The following RIMS2 variants were observed in gnomAD, a reference collection of about 807,000 sequenced individuals.
RIMS2 encodes the protein regulating synaptic membrane exocytosis 2.
In RIMS2, 59 loss-of-function variants were observed where a neutral mutation model predicts 174.4. The ratio of observed to expected loss-of-function variants is 0.34; its 90% CI spans 0.27 to 0.42. The LOEUF is 0.42. Ranked by LOEUF, RIMS2 falls within the 10% of genes least tolerant of loss-of-function variation. RIMS2 has a pLI of 1.00. For missense variants in RIMS2, 1,620 were observed against 1,666.3 expected (o/e 0.97, Z 0.48); for synonymous variants, 606 against 572.5 (o/e 1.06, Z -0.84).
At chr8:103,773,332 G>A (rs1592075302) in intron 3 of RIMS2, among the ~76,000 whole-genome samples, 2 of 152,126 alleles carry the variant, frequency 1.3e-5, no homozygotes, top group Admixed American at 1.3e-4. Context: ...CTTAAAATAA[G>A]CCTAAAGTAT....
intron 19 of RIMS2, among the ~76,000 whole-genome samples, chr8:104,079,733 CTGTTTTA>C (rs2097375040): frequency 6.7e-6 from 1 of 148,606 alleles, no homozygotes; most frequent in Admixed American, 6.8e-5. Flanking sequence ...TACATATATT[CTGTTTTA>C]TATGTGGAAT....
chr8:103,685,490 T>C (rs1361548785), intron 1 of RIMS2, among the ~76,000 whole-genome samples: 1 of 152,136 alleles, frequency 6.6e-6, no homozygotes, highest in Non-Finnish European at 1.5e-5. Flanking sequence ...ACCTCCAACA[T>C]TGGAGATCAC....
chr8:104,185,118 G>T (rs895601185), intron 19 of RIMS2, among the ~76,000 whole-genome samples: 3 of 151,344 alleles, frequency 2.0e-5, no homozygotes, highest in East Asian at 3.9e-4. Context: ...AAATGAAACT[G>T]TTTAAATTTA....
Position 103,549,078 on chromosome 8 carries a change from A to AAAT in RIMS2, c.176+48017_176+48019dup, listed in dbSNP as rs531587273. On this transcript the variant is annotated intron_variant, in intron 1 of 23. Transcript: ENST00000504942. ...ATGGATAGGAGAATCAATATCATTAAAATGGCCATACTCAACATTCGAATT... is the reference window on the plus strand; with the variant it reads ...ATGGATAGGAGAATCAATATCATTAAAATAATGGCCATACTCAACATTCGAATT... Among the ~76,000 whole-genome samples the AAAT allele has an allele frequency of 5.7e-4, 86 of 152,170 alleles. 2 individuals are homozygous for AAAT. The South Asian group carries it at 0.016, about 29-fold the overall frequency.
rs2075771418 is a variant in RIMS2, at chr8:103,912,026, ATTTT to A, written c.1693-26_1693-23del. 5 of 1,508,478 alleles carry A rather than the reference ATTTT, an allele frequency of 3.3e-6. No homozygotes were observed. In the South Asian group the frequency reaches 6.4e-5, roughly 19 times the overall value. The allele number at this position is 1,508,478 out of a possible 1,614,324, so 93.4% of individuals were successfully genotyped here. A position where few individuals can be genotyped will look rare whatever the true frequency, so the allele number is the denominator to read the frequency against. ...TCATTTATTTATTTTGTATTTATTT[ATTTT>A]GTTTGTTGATGCAAAATGTCAGCAC... On this transcript the variant is annotated intron_variant, in intron 5 of 23. Coordinates refer to ENST00000504942, the Ensembl canonical transcript of RIMS2.
At chr8:103,836,093 A>G (rs1564837737) in intron 3 of RIMS2, among the ~76,000 whole-genome samples, 1 of 152,190 alleles carries the variant, frequency 6.6e-6, no homozygotes, top group Non-Finnish European at 1.5e-5. Flanking sequence ...TTACAGAGGG[A>G]ATTTTTAAAG....
chr8:103,542,795 G>C (rs1413015530), intron 1 of RIMS2, among the ~76,000 whole-genome samples: 1 of 152,120 alleles, frequency 6.6e-6, no homozygotes, highest in Non-Finnish European at 1.5e-5. Context: ...AATAGATGCA[G>C]AAAAGCATTT....
chr8:103,814,957 A>C (rs922831183), intron 3 of RIMS2, among the ~76,000 whole-genome samples: 2 of 152,194 alleles, frequency 1.3e-5, no homozygotes, highest in Non-Finnish European at 2.9e-5. Context: ...AGCATTGCTA[A>C]AGAAAAGTTC....
At chr8:103,936,530 A>G (rs1253627679) in intron 12 of RIMS2, 21 bp from the exon 15 acceptor site, 1 of 1,485,026 alleles carries the variant, frequency 6.7e-7, no homozygotes, top group Non-Finnish European at 9.1e-7. Context: ...TAAGTTCATA[A>G]TTCATTGTTT....
At chr8:103,855,514 A>G (rs2099022974) in intron 3 of RIMS2, among the ~76,000 whole-genome samples, 1 of 152,032 alleles carries the variant, frequency 6.6e-6, no homozygotes, top group Admixed American at 6.6e-5. Context: ...CTTTCCTCTT[A>G]ACACTACTTT....
intron 14 of RIMS2, among the ~76,000 whole-genome samples, chr8:103,952,332 G>C (rs556804035): frequency 2.6e-5 from 4 of 152,292 alleles, no homozygotes; most frequent in African/African-American, 9.6e-5. Context: ...CTCCCAGTAG[G>C]AGCTGACAGA....
At chr8:104,098,176 T>C (rs1401936134) in intron 19 of RIMS2, among the ~76,000 whole-genome samples, 2 of 152,162 alleles carry the variant, frequency 1.3e-5, no homozygotes, top group Non-Finnish European at 2.9e-5. Flanking sequence ...TGTTTGAATA[T>C]AATATTTTTC....
At chr8:104,235,497 C>G (rs2511582) in intron 19 of RIMS2, among the ~76,000 whole-genome samples, 28,385 of 152,062 alleles carry the variant, frequency 0.19, 2,905 homozygotes, top group Non-Finnish European at 0.23. Flanking sequence ...AACAATAGCT[C>G]TTTCCCTCCT....
In RIMS2 at chr8:103,880,694, A is replaced by C. The variant is rs1480922688; in HGVS notation, c.699-4604A>C. On this transcript the variant is annotated intron_variant, in intron 3 of 23. Transcript: ENST00000504942. ...ATGTGCATTGGTTGAACAAAGGTAA[A>C]ATAATGAAAATATATTAAATCTTAA... 5 of 524,452 alleles carry C rather than the reference A, an allele frequency of 9.5e-6. 1 individual carries two copies. The East Asian group carries it at 1.5e-4, about 16-fold the overall frequency. 32.5% of individuals were successfully genotyped at this position (524,452 alleles called of 1,614,324 possible).
At chr8:103,550,814 G>T (rs1847463116) in intron 1 of RIMS2, among the ~76,000 whole-genome samples, 1 of 152,162 alleles carries the variant, frequency 6.6e-6, no homozygotes, top group African/African-American at 2.4e-5. Context: ...TACCATCGGA[G>T]AATACTATAA....
chr8:103,508,150 C>A (rs758638216), intron 1 of RIMS2, among the ~76,000 whole-genome samples: 1 of 151,988 alleles, frequency 6.6e-6, no homozygotes, highest in Non-Finnish European at 1.5e-5. Flanking sequence ...TCTCTAGTCA[C>A]CTAATGAAAT....
intron 14 of RIMS2, among the ~76,000 whole-genome samples, chr8:103,943,413 T>C (rs2083000471): frequency 6.6e-6 from 1 of 152,214 alleles, no homozygotes; most frequent in African/African-American, 2.4e-5. Flanking sequence ...ACTTTAGAAC[T>C]GTATGTCTTG....
At chr8:103,629,038 A>G (rs1308761993) in intron 1 of RIMS2, among the ~76,000 whole-genome samples, 1 of 152,166 alleles carries the variant, frequency 6.6e-6, no homozygotes, top group East Asian at 1.9e-4. Flanking sequence ...TGCAATAGTG[A>G]GAGAGGCCCC....
chr8:104,148,761 A>C (rs780768006), intron 19 of RIMS2: 1 of 1,598,388 alleles, frequency 6.3e-7, no homozygotes, highest in Non-Finnish European at 8.5e-7. Flanking sequence ...CAGTGGCAAA[A>C]AGCGGCGCTC....
Sources: allele counts gnomAD v4.1 joint callset (sites outside exome capture counted in the v4.1 genomes callset), GRCh38; gene constraint gnomAD v4.1.1; transcripts MANE v1.5; gene names NCBI Gene and HGNC (gene_info 2026-07-23, HGNC 2026-07-21).